GNG7: variants seen among roughly 807,000 people sequenced by gnomAD.
GNG7 encodes the protein guanine nucleotide-binding protein G(I)/G(S)/G(O) subunit gamma-7.
GNG7 carries 1 observed loss-of-function variant against 4.0 expected under a neutral mutation model. That is an observed-to-expected ratio of 0.25 (90% CI 0.09 to 1.18). The LOEUF (loss-of-function observed/expected upper bound fraction) is 1.18, where lower values mean the gene tolerates loss of function less well. GNG7 is among the 50% of genes most tolerant of loss of function. GNG7 has a pLI of 0.50. For synonymous variants in GNG7, 34 were observed against 36.9 expected (o/e 0.92, Z 0.29); for missense variants, 86 against 91.9 (o/e 0.94, Z 0.26).
intron 1 of GNG7, among the ~76,000 whole-genome samples, chr19:2,652,783 T>TA (rs1982865387): frequency 6.6e-6 from 1 of 151,812 alleles, no homozygotes; most frequent in Non-Finnish European, 1.5e-5. Flanking sequence ...GTGAACCAGC[T>TA]AAAGATATTG....
intron 1 of GNG7, among the ~76,000 whole-genome samples, chr19:2,702,164 G>T (rs565013633): frequency 1.3e-5 from 1 of 75,306 alleles, no homozygotes; most frequent in African/African-American, 5.3e-5. Flanking sequence ...CAGACCTCCA[G>T]TCTCACCCCC....
intron 3 of GNG7, among the ~76,000 whole-genome samples, chr19:2,541,512 A>C (rs866378807): frequency 6.6e-6 from 1 of 151,966 alleles, no homozygotes; most frequent in Non-Finnish European, 1.5e-5. Flanking sequence ...AGGTGGGTGG[A>C]TCACGAGGTC....
intron 2 of GNG7, among the ~76,000 whole-genome samples, chr19:2,580,258 G>A (rs925689215): frequency 3.3e-5 from 5 of 150,956 alleles, no homozygotes; most frequent in Admixed American, 2.0e-4. Flanking sequence ...GGGATAGGAC[G>A]CAGCCCTGCT....
intron 4 of GNG7, 66 bp from the exon 5 acceptor site, chr19:2,515,213 G>A: frequency 6.3e-7 from 1 of 1,596,124 alleles, no homozygotes; most frequent in Non-Finnish European, 8.5e-7. Flanking sequence ...CGGGTTCACA[G>A]CAGCACCATT....
At chr19:2,603,454 G>GGACCGGCATCCGGTGA (rs1203603178) in intron 2 of GNG7, among the ~76,000 whole-genome samples, 1 of 152,240 alleles carries the variant, frequency 6.6e-6, no homozygotes, top group Admixed American at 6.5e-5. Flanking sequence ...GCATCGGGTG[G>GGACCGGCATCCGGTGA]GACCGGCATC....
chr19:2,576,270 G>A (rs1400894719), intron 2 of GNG7, among the ~76,000 whole-genome samples: 1 of 152,246 alleles, frequency 6.6e-6, no homozygotes, highest in African/African-American at 2.4e-5. Context: ...CGGCCCCAGG[G>A]GACTGCAGCA....
chr19:2,597,895 CAAAAAA>C (rs71178295), intron 2 of GNG7, among the ~76,000 whole-genome samples: 2 of 118,324 alleles, frequency 1.7e-5, no homozygotes, highest in Admixed American at 8.9e-5. Context: ...GACTCTGTTT[CAAAAAA>C]AAAAAAAAAA....
At position 2,546,128 on chromosome 19, in the gene GNG7, C is replaced by T. The variant is rs933948282; in HGVS notation, c.-38+9021G>A. Among the ~76,000 whole-genome samples, 9 of 152,190 alleles carry T rather than the reference C, an allele frequency of 5.9e-5. No homozygotes were observed. Among genetic ancestry groups the T allele is most frequent in the Admixed American group, 1.3e-4 (2 of 15,288 alleles). Reference sequence around the variant, plus strand: ...ACGGCCTGCCATGTTCTCACCAGGACGCCAAAGAGGGGACCCACGCAGAGC... The same window carrying T: ...ACGGCCTGCCATGTTCTCACCAGGATGCCAAAGAGGGGACCCACGCAGAGC... On this transcript the variant is annotated intron_variant, in intron 3 of 4. Transcript: ENST00000382159. This position sits in a 1 kb window ranked among gnomAD's most constrained non-coding sequence, Gnocchi z 6.3.
At chr19:2,628,475 A>G (rs142397220) in intron 2 of GNG7, among the ~76,000 whole-genome samples, 174 of 152,014 alleles carry the variant, frequency 1.1e-3, no homozygotes, top group African/African-American at 4.0e-3. Flanking sequence ...TAAGGCAAGA[A>G]ACCCCTTCCC....
chr19:2,600,800 T>C (rs945220062), intron 2 of GNG7, among the ~76,000 whole-genome samples: 7 of 151,950 alleles, frequency 4.6e-5, no homozygotes, highest in African/African-American at 1.7e-4. Context: ...TTTGACCTAG[T>C]GGTCCCCCAC....
chr19:2,576,520 T>C (rs922540102), intron 2 of GNG7, among the ~76,000 whole-genome samples: 3 of 152,072 alleles, frequency 2.0e-5, no homozygotes, highest in African/African-American at 7.3e-5. Context: ...GAACTAAACT[T>C]GGTCTTTTTT....
At chr19:2,594,163 G>C (rs1568256032) in intron 2 of GNG7, among the ~76,000 whole-genome samples, 1 of 152,034 alleles carries the variant, frequency 6.6e-6, no homozygotes, top group Non-Finnish European at 1.5e-5. Context: ...CTGAGCTCAG[G>C]AGTTCGAGAC....
intron 2 of GNG7, among the ~76,000 whole-genome samples, chr19:2,560,783 C>T (rs1242329782): frequency 6.6e-6 from 1 of 151,792 alleles, no homozygotes; most frequent in Non-Finnish European, 1.5e-5. Flanking sequence ...ATGGGTAGAC[C>T]CCGTCTCTAC....
intron 3 of GNG7, among the ~76,000 whole-genome samples, chr19:2,540,923 G>A (rs1978939981): frequency 6.6e-6 from 1 of 152,188 alleles, no homozygotes; most frequent in African/African-American, 2.4e-5. Flanking sequence ...TCGATAAACC[G>A]ACCAGGAGCC....
intron 2 of GNG7, among the ~76,000 whole-genome samples, chr19:2,621,502 A>G (rs370782866): frequency 6.6e-6 from 1 of 152,068 alleles, no homozygotes; most frequent in East Asian, 1.9e-4. Context: ...GTTCGAGACC[A>G]GCCTGACCAA....
intron 2 of GNG7, among the ~76,000 whole-genome samples, chr19:2,608,373 C>T (rs1190088119): frequency 4.6e-5 from 7 of 152,018 alleles, no homozygotes; most frequent in Non-Finnish European, 1.0e-4. Context: ...GCTGGAGGGA[C>T]GGGCTCTTCA....
chr19:2,589,853 C>T (rs1980787675), intron 2 of GNG7, among the ~76,000 whole-genome samples: 1 of 152,158 alleles, frequency 6.6e-6, no homozygotes, highest in Non-Finnish European at 1.5e-5. Context: ...GCTCTGTCGC[C>T]CAGGCTGGAG....
chr19:2,518,105 AC>A (rs35621178), intron 4 of GNG7, among the ~76,000 whole-genome samples: 15 of 151,742 alleles, frequency 9.9e-5, no homozygotes, highest in African/African-American at 3.6e-4. Flanking sequence ...CCTTGGCACC[AC>A]CCCCCATGCC....
intron 2 of GNG7, chr19:2,643,481 C>T (rs376922627): frequency 4.4e-5 from 15 of 344,704 alleles, no homozygotes; most frequent in African/African-American, 1.7e-4. Flanking sequence ...CCGTCGGCAC[C>T]GGAAATGCAA....
Sources: gnomAD v4.1 joint callset for allele counts (sites outside exome capture counted in the v4.1 genomes callset) on GRCh38, gnomAD v4.1.1 for gene constraint, Gnocchi (gnomAD v3.1) non-coding constraint, MANE v1.5 for transcripts, NCBI Gene and HGNC (gene_info 2026-07-23, HGNC 2026-07-21) for gene names.